The following GNB1 variants were observed in gnomAD, a reference collection of about 807,000 sequenced individuals.
The protein encoded by GNB1 is G protein subunit beta 1.
GNB1 carries 2 observed loss-of-function variants against 42.9 expected under a neutral mutation model. The ratio of observed to expected loss-of-function variants is 0.05; its 90% confidence interval spans 0.02 to 0.15. The LOEUF (loss-of-function observed/expected upper bound fraction) is 0.15. GNB1 is among the 10% of genes least tolerant of loss of function. The pLI is 1.00. For synonymous variants in GNB1, 183 were observed against 174.7 expected (o/e 1.05, Z -0.38); for missense variants, 193 against 462.2 (o/e 0.42, Z 5.34).
At chr1:1,876,492 C>CGAGAGAGAGAGAGAGA (rs35226472) in intron 1 of GNB1, among the ~76,000 whole-genome samples, 203 of 147,910 alleles carry the variant, frequency 1.4e-3, no homozygotes, top group African/African-American at 1.2e-3. Flanking sequence ...CATGTGCACA[C>CGAGAGAGAGAGAGAGA]GAGAGAGAGA....
chr1:1,845,744 T>C (rs2101368540), intron 1 of GNB1, among the ~76,000 whole-genome samples: 1 of 151,474 alleles, frequency 6.6e-6, no homozygotes, highest in Middle Eastern at 3.4e-3. Context: ...AATGGCCCCC[T>C]GGGGTTCAAT....
chr1:1,831,164 CAA>C (rs1420807450), intron 2 of GNB1, among the ~76,000 whole-genome samples: 14 of 150,828 alleles, frequency 9.3e-5, no homozygotes, highest in Admixed American at 7.3e-4. Context: ...GGCTCCATCT[CAA>C]AAAAAAAGTT....
chr1:1,847,950 C>A (rs974697798), intron 1 of GNB1, among the ~76,000 whole-genome samples: 1 of 152,184 alleles, frequency 6.6e-6, no homozygotes, highest in Non-Finnish European at 1.5e-5. Flanking sequence ...CACGTGGACA[C>A]TGGGCAATCT....
intron 1 of GNB1, among the ~76,000 whole-genome samples, chr1:1,852,990 G>A (rs921238041): frequency 5.3e-5 from 8 of 152,124 alleles, no homozygotes; most frequent in Non-Finnish European, 7.4e-5. Flanking sequence ...AATCCTTTCA[G>A]ATTCCACCAG....
intron 1 of GNB1, among the ~76,000 whole-genome samples, chr1:1,842,218 C>T (rs1647268521): frequency 6.6e-6 from 1 of 152,192 alleles, no homozygotes; most frequent in African/African-American, 2.4e-5. Flanking sequence ...ATCACAAGGT[C>T]AGCAGATTGA....
At chr1:1,800,296 T>C (rs1230112211) in intron 7 of GNB1, among the ~76,000 whole-genome samples, 1 of 152,186 alleles carries the variant, frequency 6.6e-6, no homozygotes, top group Non-Finnish European at 1.5e-5. Context: ...AACATGCTAT[T>C]ATACAAGGAC....
intron 1 of GNB1, among the ~76,000 whole-genome samples, chr1:1,856,929 A>T (rs917048017): frequency 1.3e-5 from 2 of 152,240 alleles, no homozygotes; most frequent in African/African-American, 4.8e-5. Flanking sequence ...TATCCTACAA[A>T]ACAGTAATAC....
intron 1 of GNB1, among the ~76,000 whole-genome samples, chr1:1,889,913 G>C (rs1212209631): frequency 7.0e-6 from 1 of 142,282 alleles, no homozygotes; most frequent in Non-Finnish European, 1.5e-5. Context: ...AGCCGATCCA[G>C]GCAAGAGGAA....
At chr1:1,863,962 G>T (rs1223815317) in intron 1 of GNB1, among the ~76,000 whole-genome samples, 1 of 152,126 alleles carries the variant, frequency 6.6e-6, no homozygotes, top group African/African-American at 2.4e-5. Flanking sequence ...ATTTTGGAAG[G>T]CCAAGGCGGG....
chr1:1,885,169 T>C (rs1650078095), intron 1 of GNB1, among the ~76,000 whole-genome samples: 1 of 151,568 alleles, frequency 6.6e-6, no homozygotes, highest in South Asian at 2.1e-4. Flanking sequence ...TCCCAGCACT[T>C]TGGGAGGCGG....
intron 2 of GNB1, among the ~76,000 whole-genome samples, chr1:1,826,599 G>T (rs985405853): frequency 6.6e-6 from 1 of 152,056 alleles, no homozygotes; most frequent in Non-Finnish European, 1.5e-5. Context: ...GCAATCCTGA[G>T]CACACAGGGT....
chr1:1,848,843 A>AG (rs1647825896), intron 1 of GNB1, among the ~76,000 whole-genome samples: 1 of 152,186 alleles, frequency 6.6e-6, no homozygotes, highest in Admixed American at 6.5e-5. Flanking sequence ...ACAACTGTCT[A>AG]GCATTTTACT....
At chr1:1,886,376 GTC>G (rs923369315) in intron 1 of GNB1, among the ~76,000 whole-genome samples, 3 of 152,124 alleles carry the variant, frequency 2.0e-5, no homozygotes, top group African/African-American at 7.2e-5. Context: ...TCTATAGATT[GTC>G]TCTATTTCTT....
intron 1 of GNB1, among the ~76,000 whole-genome samples, chr1:1,853,705 A>AT (rs1648111271): frequency 6.6e-6 from 1 of 152,172 alleles, no homozygotes; most frequent in Admixed American, 6.5e-5. Context: ...AATAGAAACT[A>AT]TGTCTTCAGG....
chr1:1,803,223 A>G (rs1646649228), intron 7 of GNB1, among the ~76,000 whole-genome samples: 1 of 152,364 alleles, frequency 6.6e-6, no homozygotes, highest in Middle Eastern at 3.4e-3. Context: ...TATGCCTTTC[A>G]TGATGAATTA....
At chr1:1,821,906 G>A (rs991344585) in intron 3 of GNB1, among the ~76,000 whole-genome samples, 7 of 152,166 alleles carry the variant, frequency 4.6e-5, no homozygotes, top group Non-Finnish European at 8.8e-5. Flanking sequence ...AGGCTGAGGC[G>A]GGAAGATCCC....
intron 6 of GNB1, 80 bp downstream of exon 6, chr1:1,806,395 G>T: frequency 1.2e-6 from 1 of 868,420 alleles, no homozygotes; most frequent in Non-Finnish European, 1.9e-6. Context: ...TGTATTACGT[G>T]ATTTAACAAA....
intron 2 of GNB1, among the ~76,000 whole-genome samples, chr1:1,827,904 AAC>A (rs1647021200): frequency 6.6e-6 from 1 of 152,216 alleles, no homozygotes; most frequent in African/African-American, 2.4e-5. Context: ...TGTTTTAGTT[AAC>A]ACACACAGTT....
At chr1:1,835,568 G>C (rs1647135181) in intron 2 of GNB1, among the ~76,000 whole-genome samples, 1 of 152,188 alleles carries the variant, frequency 6.6e-6, no homozygotes, top group Non-Finnish European at 1.5e-5. Context: ...CATCCAGTCA[G>C]TGCAGTAGGC....
Sources: allele counts gnomAD v4.1 joint callset (sites outside exome capture counted in the v4.1 genomes callset), GRCh38; gene constraint gnomAD v4.1.1; transcripts MANE v1.5; gene names NCBI Gene and HGNC (gene_info 2026-07-23, HGNC 2026-07-21).